Variants in PLCB4 observed in about 807,000 individuals in gnomAD.
The protein encoded by PLCB4 is phospholipase C beta 4, also known as 1-phosphatidylinositol 4,5-bisphosphate phosphodiesterase beta-4.
PLCB4 carries 77 observed loss-of-function variants against 178.8 expected under a neutral mutation model. That is an observed-to-expected ratio of 0.43 (90% CI 0.36 to 0.52). The LOEUF is 0.52. Among genes scored for constraint, PLCB4 ranks in the 20% least tolerant of loss-of-function variants. The pLI is 0.00. For synonymous variants in PLCB4, 496 were observed against 490.8 expected (o/e 1.01, Z -0.14); for missense variants, 1,024 against 1,453.4 (o/e 0.70, Z 4.80).
intron 2 of PLCB4, among the ~76,000 whole-genome samples, chr20:9,146,295 T>C (rs866400270): frequency 1.9e-4 from 29 of 152,098 alleles, no homozygotes; most frequent in African/African-American, 6.5e-4. Context: ...CAGGTTCACC[T>C]CAAATATGAC....
intron 3 of PLCB4, among the ~76,000 whole-genome samples, chr20:9,263,096 A>G (rs2094314390): frequency 6.6e-6 from 1 of 152,104 alleles, no homozygotes; most frequent in African/African-American, 2.4e-5. Flanking sequence ...AGCATCCCTG[A>G]AGTTCAATCC....
chr20:9,427,922 C>A (rs2041139313), intron 28 of PLCB4, among the ~76,000 whole-genome samples: 1 of 152,170 alleles, frequency 6.6e-6, no homozygotes, highest in Admixed American at 6.5e-5. Context: ...CTGATCATTA[C>A]TTCTGCAACC....
intron 3 of PLCB4, among the ~76,000 whole-genome samples, chr20:9,229,107 A>G (rs754874922): frequency 6.6e-6 from 1 of 152,214 alleles, no homozygotes; most frequent in Non-Finnish European, 1.5e-5. Context: ...AATGATAGCT[A>G]TTATTTTTGT....
chr20:9,233,765 G>T lies in PLCB4; in HGVS notation c.-16+16313G>T, dbSNP rs567851847. On this transcript the variant is annotated intron_variant, in intron 3 of 39. Transcript: ENST00000378473. Reference sequence around the variant, plus strand: ...GCAAGTGGTAGATTAAGTCAGAGGGGTAGACAGCAGTTAGATGCATGATCA... The same window carrying T: ...GCAAGTGGTAGATTAAGTCAGAGGGTTAGACAGCAGTTAGATGCATGATCA... 9.2e-5 allele frequency among the ~76,000 whole-genome samples: 14 copies of T among 152,238 alleles called. No homozygotes were observed. In the South Asian group the frequency reaches 2.7e-3, roughly 29 times the overall value.
intron 27 of PLCB4, among the ~76,000 whole-genome samples, chr20:9,422,438 T>C (rs1263266432): frequency 1.3e-5 from 2 of 152,226 alleles, no homozygotes; most frequent in Non-Finnish European, 2.9e-5. Context: ...ATTACATGCA[T>C]AGCTGTGATT....
At chr20:9,131,031 T>G (rs1230527426) in intron 2 of PLCB4, among the ~76,000 whole-genome samples, 7 of 152,180 alleles carry the variant, frequency 4.6e-5, no homozygotes, top group Non-Finnish European at 1.0e-4. Flanking sequence ...GAAGTTACAT[T>G]GCATGCTTAG....
chr20:9,155,892 G>T (rs2092779628), intron 2 of PLCB4, among the ~76,000 whole-genome samples: 3 of 152,020 alleles, frequency 2.0e-5, no homozygotes, highest in Admixed American at 2.0e-4. Context: ...TTTTGTGTGT[G>T]CCTCCAGAAC....
chr20:9,154,532 A>G (rs1321457009), intron 2 of PLCB4, among the ~76,000 whole-genome samples: 2 of 152,272 alleles, frequency 1.3e-5, no homozygotes, highest in Middle Eastern at 3.4e-3. Context: ...TGGTGTGCAT[A>G]ATGAACATAC....
At position 9,480,349 on chromosome 20, in the gene PLCB4, T is replaced by A. The variant is rs758798860; in HGVS notation, c.*1340T>A. The A allele has an allele frequency of 6.6e-6, 1 of 152,624 alleles. No homozygotes were observed. Among genetic ancestry groups the A allele is most frequent in the African/African-American group, 2.4e-5 (1 of 41,452 alleles). 9.5% of individuals were successfully genotyped at this position (152,624 alleles called of 1,614,324 possible). On this transcript the variant is annotated 3_prime_UTR_variant, in exon 40 of 40. Transcript: ENST00000378473. ...ACTGATTTTAGGGCACAGCACCAGA[T>A]GAATTGTTGTATATGCTTGTAAAAA... is the stretch of plus-strand genomic sequence containing the variant.
chr20:9,145,208 A>C (rs1354053101), intron 2 of PLCB4, among the ~76,000 whole-genome samples: 1 of 152,132 alleles, frequency 6.6e-6, no homozygotes, highest in African/African-American at 2.4e-5. Context: ...CTGAGCTCTT[A>C]AGAAAGTCCT....
chr20:9,127,153 G>A (rs946510774), intron 2 of PLCB4, among the ~76,000 whole-genome samples: 2 of 152,108 alleles, frequency 1.3e-5, no homozygotes, highest in African/African-American at 4.8e-5. Flanking sequence ...GAAGGGCGGT[G>A]TTAAAGCAAT....
chr20:9,451,864 AC>A, intron 32 of PLCB4, among the ~76,000 whole-genome samples: 1 of 152,280 alleles, frequency 6.6e-6, no homozygotes, highest in South Asian at 2.1e-4. Flanking sequence ...AAGGTAAGTG[AC>A]TCACCCCAGC....
At position 9,139,454 on chromosome 20, in the gene PLCB4, G is replaced by C. The variant is rs543163490; in HGVS notation, c.-79+43112G>C. Among the ~76,000 whole-genome samples, 12 of 152,204 alleles carry C rather than the reference G, an allele frequency of 7.9e-5. 1 individual carries two copies. The South Asian group carries it at 2.5e-3, about 32-fold the overall frequency. ...GGATGGGAGTTCAGCTAGGATGCCA[G>C]CTGGAACATCTCAGTTCTGTTCCAT... is the stretch of plus-strand genomic sequence containing the variant. On this transcript the variant is annotated intron_variant, in intron 2 of 39. Coordinates refer to ENST00000378473, the MANE Select transcript of PLCB4 (RefSeq NM_001377142.1).
chr20:9,326,926 G>A (rs745739824), intron 4 of PLCB4, among the ~76,000 whole-genome samples: 10 of 152,246 alleles, frequency 6.6e-5, no homozygotes, highest in Admixed American at 1.3e-4. Context: ...TTAAAGATCT[G>A]TGTAACAGAA....
chr20:9,298,591 A>G (rs1451097901), intron 3 of PLCB4, among the ~76,000 whole-genome samples: 1 of 152,170 alleles, frequency 6.6e-6, no homozygotes, highest in Non-Finnish European at 1.5e-5. Context: ...TAATACATTT[A>G]TAAACCTGGA....
At chr20:9,075,780 C>A (rs898866553) in intron 1 of PLCB4, among the ~76,000 whole-genome samples, 1 of 152,194 alleles carries the variant, frequency 6.6e-6, no homozygotes, top group Non-Finnish European at 1.5e-5. Flanking sequence ...AGCATGAAAT[C>A]CAGATTTATT....
At chr20:9,445,227 A>C (rs1295536069) in intron 32 of PLCB4, among the ~76,000 whole-genome samples, 1 of 152,150 alleles carries the variant, frequency 6.6e-6, no homozygotes, top group Non-Finnish European at 1.5e-5. Flanking sequence ...ACATATAATA[A>C]CCAGCTGCTG....
At chr20:9,399,527 A>G (rs1020226285) in intron 19 of PLCB4, among the ~76,000 whole-genome samples, 1 of 152,252 alleles carries the variant, frequency 6.6e-6, no homozygotes. Context: ...GAAAATAGAA[A>G]AGGCTTTCAG....
At chr20:9,086,570 G>A (rs1394615738) in intron 1 of PLCB4, among the ~76,000 whole-genome samples, 1 of 152,030 alleles carries the variant, frequency 6.6e-6, no homozygotes, top group Non-Finnish European at 1.5e-5. Context: ...CTTGTTCAGG[G>A]CCACATAACT....
Sources: gnomAD v4.1 joint callset for allele counts (sites outside exome capture counted in the v4.1 genomes callset) on GRCh38, gnomAD v4.1.1 for gene constraint, MANE v1.5 for transcripts, NCBI Gene and HGNC (gene_info 2026-07-23, HGNC 2026-07-21) for gene names.